LATS2: variants seen among roughly 807,000 people sequenced by gnomAD.
LATS2 encodes large tumor suppressor kinase 2, also known as serine/threonine-protein kinase LATS2.
LATS2 carries 24 observed loss-of-function variants against 76.0 expected under a neutral mutation model. The ratio of observed to expected loss-of-function variants is 0.32; its 90% CI spans 0.23 to 0.44. The LOEUF (loss-of-function observed/expected upper bound fraction) is 0.44, where lower values mean the gene tolerates loss of function less well. Among genes scored for constraint, LATS2 ranks in the 20% least tolerant of loss-of-function variants. LATS2 has a pLI of 1.00. For synonymous variants in LATS2, 692 were observed against 635.4 expected (o/e 1.09, Z -1.34); for missense variants, 1,286 against 1,481.2 (o/e 0.87, Z 2.16).
intron 2 of LATS2, among the ~76,000 whole-genome samples, chr13:21,026,618 A>C (rs1454318027): frequency 4.6e-5 from 7 of 152,222 alleles, no homozygotes; most frequent in Admixed American, 4.6e-4. Context: ...TTAAGTAGAT[A>C]TATAGGAGAG....
intron 2 of LATS2, among the ~76,000 whole-genome samples, chr13:21,031,659 G>A (rs1201776994): frequency 6.6e-6 from 1 of 152,084 alleles, no homozygotes; most frequent in East Asian, 1.9e-4. Context: ...AGGAGTTCGA[G>A]ACCAGCCTGG....
At chr13:21,034,525 C>T (rs1007569736) in intron 2 of LATS2, among the ~76,000 whole-genome samples, 10 of 152,196 alleles carry the variant, frequency 6.6e-5, no homozygotes, top group South Asian at 2.1e-4. Flanking sequence ...GTCTGGTGCA[C>T]GCCAAGACGG....
intron 1 of LATS2, among the ~76,000 whole-genome samples, chr13:21,057,461 T>A (rs1873482605): frequency 6.6e-6 from 1 of 152,218 alleles, no homozygotes; most frequent in African/African-American, 2.4e-5. Context: ...TTTAACATCA[T>A]AACCAATGTC....
intron 1 of LATS2, among the ~76,000 whole-genome samples, chr13:21,051,679 C>T (rs527516469): frequency 6.6e-6 from 1 of 152,266 alleles, no homozygotes; most frequent in South Asian, 2.1e-4. Flanking sequence ...ACAGGGCAGG[C>T]TGGGTCCAGT....
intron 2 of LATS2, among the ~76,000 whole-genome samples, chr13:21,043,136 G>A (rs1872944504): frequency 6.6e-6 from 1 of 151,910 alleles, no homozygotes; most frequent in African/African-American, 2.4e-5. Flanking sequence ...TCAGGAGTTT[G>A]AGACCAGCCT....
At position 20,973,980 on chromosome 13, in the gene LATS2, C is replaced by CCCA. The variant is rs1869463645; in HGVS notation, c.*889_*890insTGG. ...TGACAAATGTTTCAGTTCCCCCCCCCCAAAGAATCCAATCACAACCAAGAC... is the reference window on the plus strand; with the variant it reads ...TGACAAATGTTTCAGTTCCCCCCCCCCCACAAAGAATCCAATCACAACCAAGAC... On this transcript the variant is annotated 3_prime_UTR_variant, in exon 8 of 8. Coordinates refer to ENST00000382592, the MANE Select transcript of LATS2 (RefSeq NM_014572.3). The CCCA allele has an allele frequency of 5.0e-6, 1 of 201,898 alleles. No individual in the cohort carries two copies. 12.5% of individuals were successfully genotyped at this position (201,898 alleles called of 1,614,324 possible).
chr13:21,017,212 A>G (rs1226873223), intron 2 of LATS2, among the ~76,000 whole-genome samples: 1 of 152,228 alleles, frequency 6.6e-6, no homozygotes, highest in Non-Finnish European at 1.5e-5. Flanking sequence ...AACTGTGCAG[A>G]AAAAGTTAGC....
At chr13:21,007,699 A>ATATAGT (rs1173839566) in intron 2 of LATS2, among the ~76,000 whole-genome samples, 21 of 584 alleles carry the variant, frequency 0.036, 5 homozygotes, top group East Asian at 0.25. Context: ...ATATATATAT[A>ATATAGT]GTATGTATAT....
At chr13:21,009,740 C>T (rs1478505652) in intron 2 of LATS2, among the ~76,000 whole-genome samples, 1 of 152,156 alleles carries the variant, frequency 6.6e-6, no homozygotes, top group East Asian at 1.9e-4. Context: ...GACGACAATA[C>T]ACCAAGTACA....
chr13:20,981,625 T>A lies in LATS2; in HGVS notation c.2506A>T (p.Met836Leu), dbSNP rs1869894136. The A allele has an allele frequency of 1.2e-6, 2 of 1,611,838 alleles. No homozygotes were observed. Among genetic ancestry groups the A allele is most frequent in the Non-Finnish European group, 1.7e-6 (2 of 1,179,198 alleles). ...TCATCCCAGAGGTCGCTGGGCTCCATGCTGTCCTGTCTGACATGGCTCCCT... is the reference window on the plus strand; with the variant it reads ...TCATCCCAGAGGTCGCTGGGCTCCAAGCTGTCCTGTCTGACATGGCTCCCT... The part of the protein sequence containing the change: ...QKGSHVRQDS[M>L]EPSDLWDDVS... The change falls in exon 6 of 8, where the codon ATG becomes TTG. Residue 836 changes from methionine (M) to leucine (L), a missense_variant. Physicochemically the swap from Met to Leu is conservative, Grantham distance 15 (BLOSUM62 2). Coordinates refer to ENST00000382592, the MANE Select transcript of LATS2 (RefSeq NM_014572.3).
intron 1 of LATS2, among the ~76,000 whole-genome samples, chr13:21,049,816 A>G (rs1873199355): frequency 6.6e-6 from 1 of 152,094 alleles, no homozygotes; most frequent in Admixed American, 6.5e-5. Context: ...TCTCTCTGGA[A>G]TCTGCTCTAA....
In LATS2 at chr13:20,988,497, G is replaced by T. The variant is rs1352026272; in HGVS notation, c.1283C>A (p.Ala428Asp). 13 of 1,551,980 alleles carry T rather than the reference G, an allele frequency of 8.4e-6. No homozygotes were observed. Among genetic ancestry groups the T allele is most frequent in the Non-Finnish European group, 1.1e-5 (13 of 1,156,834 alleles). ...CGTGACAGCCGTCACGGTGTTGGGG[G>T]CGGGCAGGGAGGGCTCGGCCTTGCC... ...PPGKAEPSLP[A>D]PNTVTAVTAA... Residue 428 changes from alanine (A) to aspartate (D), a missense_variant, in exon 4 of 8, where the codon GCC becomes GAC. Physicochemically the swap from Ala to Asp is moderately radical, Grantham distance 126 (BLOSUM62 -2). Around this residue, in one of 5 missense-constraint regions of LATS2, gnomAD observed 710 missense variants for 660.9 expected, o/e 1.07. Coordinates refer to ENST00000382592, the MANE Select transcript of LATS2 (RefSeq NM_014572.3).
At chr13:20,982,799 C>A (rs1869951697) in intron 5 of LATS2, among the ~76,000 whole-genome samples, 1 of 150,660 alleles carries the variant, frequency 6.6e-6, no homozygotes, top group South Asian at 2.1e-4. Context: ...TGAGACCAGC[C>A]TGACCAACAC....
chr13:21,015,498 C>T (rs1871761685), intron 2 of LATS2, among the ~76,000 whole-genome samples: 1 of 152,158 alleles, frequency 6.6e-6, no homozygotes, highest in Non-Finnish European at 1.5e-5. Flanking sequence ...CACCACAAAA[C>T]CCAAGGAAAA....
At chr13:21,025,462 C>T (rs932395254) in intron 2 of LATS2, among the ~76,000 whole-genome samples, 5 of 150,848 alleles carry the variant, frequency 3.3e-5, no homozygotes, top group Admixed American at 2.6e-4. Flanking sequence ...CTGAGGGGGT[C>T]GGACACGGAC....
At chr13:21,000,886 T>C (rs547641110) in intron 2 of LATS2, among the ~76,000 whole-genome samples, 7 of 152,354 alleles carry the variant, frequency 4.6e-5, no homozygotes, top group African/African-American at 1.7e-4. Context: ...AAATCAGTTA[T>C]GCCTATGAAC....
chr13:20,980,243 G>A (rs1869810198), intron 6 of LATS2, among the ~76,000 whole-genome samples: 3 of 152,028 alleles, frequency 2.0e-5, no homozygotes, highest in South Asian at 2.1e-4. Context: ...AGGAGGAGGT[G>A]GGCAAAACCC....
At chr13:20,992,643 T>C (rs1172865188) in intron 2 of LATS2, among the ~76,000 whole-genome samples, 1 of 152,078 alleles carries the variant, frequency 6.6e-6, no homozygotes, top group Admixed American at 6.5e-5. Flanking sequence ...CTGAGCACTC[T>C]GAAGGTCAAC....
chr13:21,050,147 G>GATAGATAGATACATACATAC (rs71200328), intron 1 of LATS2, among the ~76,000 whole-genome samples: 1,234 of 54,000 alleles, frequency 0.023, 41 homozygotes, highest in Non-Finnish European at 0.042. Context: ...TAGATAGATA[G>GATAGATAGATACATACATAC]ATACATACAT....
Sources: allele counts gnomAD v4.1 joint callset (sites outside exome capture counted in the v4.1 genomes callset), GRCh38; gene constraint gnomAD v4.1.1; regional missense constraint gnomAD v4.1.1; transcripts MANE v1.5; gene names NCBI Gene and HGNC (gene_info 2026-07-23, HGNC 2026-07-21).